The following USO1 variants were observed in gnomAD, a reference collection of about 807,000 sequenced individuals.
USO1 encodes general vesicular transport factor p115.
USO1 carries 57 observed loss-of-function variants against 124.5 expected under a neutral mutation model. The ratio of observed to expected loss-of-function variants is 0.46; its 90% CI spans 0.37 to 0.57. The LOEUF (loss-of-function observed/expected upper bound fraction) is 0.57, where lower values mean the gene tolerates loss of function less well. USO1 is among the 20% of genes least tolerant of loss of function. The pLI, the probability that USO1 is intolerant of heterozygous loss-of-function variation, is 0.00. For missense variants in USO1, 900 were observed against 1,040.6 expected (o/e 0.86, Z 1.86); for synonymous variants, 369 against 362.8 (o/e 1.02, Z -0.19).
intron 13 of USO1, among the ~76,000 whole-genome samples, chr4:75,798,686 A>G (rs1331955138): frequency 6.6e-6 from 1 of 152,140 alleles, no homozygotes; most frequent in East Asian, 1.9e-4. Context: ...GGTGGTAGAA[A>G]TTTTTCGGAA....
intron 4 of USO1, 90 bp from the exon 5 acceptor site, chr4:75,770,349 A>G: frequency 1.6e-6 from 2 of 1,262,118 alleles, no homozygotes; most frequent in Non-Finnish European, 2.1e-6. Context: ...TTTACCAGGA[A>G]AATTATCATT....
intron 5 of USO1, 102 bp downstream of exon 5, chr4:75,770,641 A>G: frequency 6.8e-7 from 1 of 1,465,638 alleles, no homozygotes; most frequent in Non-Finnish European, 9.0e-7. Context: ...TAAAGGTAGT[A>G]AAGTTTATTG....
intron 3 of USO1, 53 bp downstream of exon 3, chr4:75,752,657 T>A (rs965140302): frequency 5.0e-6 from 2 of 398,116 alleles, no homozygotes; most frequent in African/African-American, 4.1e-5. Context: ...ACTTTTGTTT[T>A]AGAGTCAGCA....
chr4:75,756,843 A>G (rs772330748), intron 3 of USO1, among the ~76,000 whole-genome samples: 22 of 152,072 alleles, frequency 1.4e-4, no homozygotes, highest in Non-Finnish European at 2.6e-4. Flanking sequence ...AAAATAATAT[A>G]TAAAGAAGAA....
At chr4:75,809,588 A>G (rs1363182487) in intron 21 of USO1, among the ~76,000 whole-genome samples, 1 of 152,236 alleles carries the variant, frequency 6.6e-6, no homozygotes, top group Non-Finnish European at 1.5e-5. Flanking sequence ...TCCACAAAAC[A>G]CTGCAACACT....
intron 4 of USO1, among the ~76,000 whole-genome samples, chr4:75,763,919 C>T (rs1721693440): frequency 6.6e-6 from 1 of 152,080 alleles, no homozygotes; most frequent in African/African-American, 2.4e-5. Flanking sequence ...GCTTAATTTA[C>T]TGCTACACTT....
At chr4:75,772,556 CTTTAATA>C (rs1211309982) in intron 7 of USO1, among the ~76,000 whole-genome samples, 1 of 151,888 alleles carries the variant, frequency 6.6e-6, no homozygotes, top group African/African-American at 2.4e-5. Context: ...ATTTTTTATT[CTTTAATA>C]TTTAAGTGTC....
At chr4:75,741,280 T>C (rs1292598394) in intron 1 of USO1, among the ~76,000 whole-genome samples, 1 of 152,172 alleles carries the variant, frequency 6.6e-6, no homozygotes, top group Non-Finnish European at 1.5e-5. Context: ...CGCTTAATCA[T>C]GAATAGAGCT....
intron 1 of USO1, among the ~76,000 whole-genome samples, chr4:75,744,331 C>T (rs775073861): frequency 1.3e-5 from 2 of 152,168 alleles, no homozygotes; most frequent in Non-Finnish European, 2.9e-5. Flanking sequence ...CTTTCCTAAA[C>T]CCCAGAGTAT....
At chr4:75,744,988 C>T (rs1721081898) in intron 1 of USO1, 1 of 452,862 alleles carries the variant, frequency 2.2e-6, no homozygotes, top group Admixed American at 2.6e-5. Flanking sequence ...CCCCAAGCCT[C>T]TTAAATTTAG....
At position 75,812,193 on chromosome 4, in the gene USO1, G is replaced by T; in HGVS notation, c.2617G>T (p.Ala873Ser). 2.5e-6 allele frequency: 4 copies of T among 1,608,326 alleles called. No individual in the cohort carries two copies. Among genetic ancestry groups the T allele is most frequent in the African/African-American group, 2.7e-5 (2 of 74,964 alleles). The stretch of plus-strand genomic sequence containing the variant: ...TAAAGCTCTGTCTGAGGAAAGAACT[G>T]CCATTAAAGAGCAGCTGGATTCATC... ...EIKALSEERT[A>S]IKEQLDSSNS... Residue 873 changes from alanine (A) to serine (S), a missense_variant, in exon 23 of 24, where the codon GCC (alanine) becomes TCC (serine). Physicochemically the swap from Ala to Ser is moderately conservative, Grantham distance 99 (BLOSUM62 1). Transcript: ENST00000514213.
Position 75,800,598 on chromosome 4 carries a change from CA to C in USO1, c.1683-18del, listed in dbSNP as rs752828662. ...TGATTTTATTTTTTTTAAAGCATCT[CA>C]ATATGCTTATCTCCGTAGAGAGAAG... On this transcript the variant is annotated intron_variant, in intron 15 of 23. Transcript: ENST00000514213. The C allele has an allele frequency of 4.6e-6, 7 of 1,523,242 alleles. No individual in the cohort carries two copies. The Middle Eastern group carries it at 1.2e-3, about 272-fold the overall frequency. The allele number at this position is 1,523,242 out of a possible 1,614,324, so 94.4% of individuals were successfully genotyped here.
chr4:75,792,588 A>G (rs1453963074), intron 12 of USO1, among the ~76,000 whole-genome samples: 1 of 151,974 alleles, frequency 6.6e-6, no homozygotes, highest in African/African-American at 2.4e-5. Flanking sequence ...TCCTAGCTAC[A>G]TGGGAGGCTG....
intron 1 of USO1, among the ~76,000 whole-genome samples, chr4:75,742,069 A>G (rs146560942): frequency 3.0e-3 from 457 of 152,292 alleles, no homozygotes; most frequent in African/African-American, 0.01. Flanking sequence ...CTTCTGGAAT[A>G]CTTCTTGAAG....
At chr4:75,802,731 CTTTTCTTTTTTTTTT>C (rs1420553357) in intron 17 of USO1, among the ~76,000 whole-genome samples, 1 of 96,524 alleles carries the variant, frequency 1.0e-5, no homozygotes, top group Non-Finnish European at 2.1e-5. Flanking sequence ...TTTTCTTTTT[CTTTTCTTTTTTTTTT>C]TTTTTTTTTT....
intron 13 of USO1, among the ~76,000 whole-genome samples, chr4:75,799,190 G>GT (rs3839118): frequency 6.6e-6 from 1 of 151,828 alleles, no homozygotes; most frequent in Non-Finnish European, 1.5e-5. Flanking sequence ...TTGTTTTTTG[G>GT]TTTTTTTTGA....
intron 4 of USO1, among the ~76,000 whole-genome samples, chr4:75,762,703 C>T (rs1339910010): frequency 1.3e-5 from 2 of 151,874 alleles, no homozygotes; most frequent in Non-Finnish European, 2.9e-5. Flanking sequence ...CTGAGGCAGG[C>T]AGATCACAAG....
intron 4 of USO1, among the ~76,000 whole-genome samples, chr4:75,761,159 TTAA>T: frequency 6.6e-6 from 1 of 152,000 alleles, no homozygotes; most frequent in East Asian, 1.9e-4. Flanking sequence ...AAAAAAAAAA[TTAA>T]TAAATAAAAA....
chr4:75,748,417 G>A (rs1721195634), intron 1 of USO1, among the ~76,000 whole-genome samples: 1 of 151,662 alleles, frequency 6.6e-6, no homozygotes. Context: ...TTGAACTCCT[G>A]AGCTCAGGCA....
Sources: gnomAD v4.1 joint callset for allele counts (sites outside exome capture counted in the v4.1 genomes callset) on GRCh38, gnomAD v4.1.1 for gene constraint, MANE v1.5 for transcripts, NCBI Gene and HGNC (gene_info 2026-07-23, HGNC 2026-07-21) for gene names.